NUP210: variants seen among roughly 807,000 people sequenced by gnomAD.
NUP210 encodes nucleoporin 210, also known as nuclear pore membrane glycoprotein 210.
A neutral mutation model predicts 196.0 loss-of-function variants in NUP210; 151 were observed. The observed-to-expected ratio is 0.77, with a 90% CI of 0.67 to 0.88. The LOEUF is 0.88. NUP210 is among the 40% of genes least tolerant of loss of function. The probability of loss-of-function intolerance (pLI) is 0.00; values close to 1 mark genes in which losing one functional copy is unlikely to be tolerated. For synonymous variants in NUP210, 1,070 were observed against 1,052.7 expected (o/e 1.02, Z -0.32); for missense variants, 2,314 against 2,493.7 (o/e 0.93, Z 1.53).
Position 13,348,061 on chromosome 3 carries a change from C to A in NUP210, c.2835+3818G>T, listed in dbSNP as rs73148074. Among the ~76,000 whole-genome samples the A allele has an allele frequency of 0.034, 5,124 of 152,340 alleles. 117 individuals are homozygous for A. The highest frequency in any genetic ancestry group is 0.075 in the Middle Eastern group (22 of 294). On this transcript the variant is annotated intron_variant, in intron 20 of 39. Transcript: ENST00000254508. This position sits in a 1 kb window ranked among gnomAD's most constrained non-coding sequence, Gnocchi z 4.0. ...TCCTGCCTGCAATGGGCACTCTGTGCCACTCAACCAGGCCAGCGGCCATTC... is the reference window on the plus strand; with the variant it reads ...TCCTGCCTGCAATGGGCACTCTGTGACACTCAACCAGGCCAGCGGCCATTC...
At chr3:13,410,495 G>A (rs1343918694) in intron 1 of NUP210, among the ~76,000 whole-genome samples, 1 of 147,826 alleles carries the variant, frequency 6.8e-6, no homozygotes, top group Admixed American at 6.8e-5. Flanking sequence ...ATTTTTAAAA[G>A]CACCACTGGG....
Position 13,335,739 on chromosome 3 carries a change from A to T in NUP210, c.3685-127T>A, listed in dbSNP as rs142429133. 5.8e-3 allele frequency: 6,244 copies of T among 1,071,064 alleles called. 28 individuals carry two copies. The highest frequency in any genetic ancestry group is 7.2e-3 in the Non-Finnish European group (5,379 of 743,624). The allele number at this position is 1,071,064 out of a possible 1,614,324, so 66.3% of individuals were successfully genotyped here. ...CCTGGTAGCTGCTGGCCTGTTCTCA[A>T]GGGCTCTGCCTTCCTGCCTGGGTTG... On this transcript the variant is annotated intron_variant, in intron 27 of 39. Transcript: ENST00000254508.
At chr3:13,343,336 T>TGTGGGGGGGGGGGGG in intron 20 of NUP210, 33 bp from the exon 21 acceptor site, 1 of 260,408 alleles carries the variant, frequency 3.8e-6, no homozygotes, top group East Asian at 9.5e-5. Context: ...GAGGGGTGGG[T>TGTGGGGGGGGGGGGG]GGTGGGTTAC....
At chr3:13,328,731 C>T (rs1422968528) in intron 31 of NUP210, 40 bp downstream of exon 31, 1 of 1,585,360 alleles carries the variant, frequency 6.3e-7, no homozygotes, top group Non-Finnish European at 8.7e-7. Flanking sequence ...AGGTACCAGA[C>T]AGGACTTCAT....
chr3:13,344,093 G>T (rs1559318814), intron 20 of NUP210, among the ~76,000 whole-genome samples: 1 of 152,170 alleles, frequency 6.6e-6, no homozygotes, highest in Non-Finnish European at 1.5e-5. Context: ...CTGTCCCCAA[G>T]GCTGGAGTGC....
chr3:13,404,201 A>G (rs1699929449), intron 1 of NUP210, among the ~76,000 whole-genome samples: 1 of 152,224 alleles, frequency 6.6e-6, no homozygotes, highest in South Asian at 2.1e-4. Flanking sequence ...CCTCATCTGT[A>G]AGGCAGGCCC....
chr3:13,394,252 G>T (rs1400510569), intron 3 of NUP210, among the ~76,000 whole-genome samples: 1 of 152,234 alleles, frequency 6.6e-6, no homozygotes, highest in Non-Finnish European at 1.5e-5. Context: ...AGGTGAGGAG[G>T]GGGCATCTTT....
At chr3:13,381,060 G>C (rs1379528977) in intron 6 of NUP210, among the ~76,000 whole-genome samples, 1 of 152,216 alleles carries the variant, frequency 6.6e-6, no homozygotes, top group Non-Finnish European at 1.5e-5. Context: ...CTAGAATTGA[G>C]AATCCCAAAG....
intron 20 of NUP210, among the ~76,000 whole-genome samples, chr3:13,343,506 G>C (rs537986508): frequency 6.6e-6 from 1 of 152,208 alleles, no homozygotes; most frequent in Non-Finnish European, 1.5e-5. Context: ...CCCACCTCTC[G>C]TCATGAGCCC....
chr3:13,360,918 A>C (rs1698348707), intron 14 of NUP210, among the ~76,000 whole-genome samples: 1 of 152,248 alleles, frequency 6.6e-6, no homozygotes, highest in Non-Finnish European at 1.5e-5. Context: ...TCTACAATCC[A>C]GCACAAGGGG....
At chr3:13,412,639 G>A (rs1274897314) in intron 1 of NUP210, among the ~76,000 whole-genome samples, 1 of 151,066 alleles carries the variant, frequency 6.6e-6, no homozygotes, top group East Asian at 2.0e-4. Flanking sequence ...GCTTGAACCT[G>A]GGCAGCAGAG....
chr3:13,330,989 G>T (rs560470905), intron 29 of NUP210, among the ~76,000 whole-genome samples: 5 of 152,280 alleles, frequency 3.3e-5, no homozygotes, highest in East Asian at 1.9e-4. Flanking sequence ...GCAGCAAATT[G>T]TTCTCAATTT....
intron 6 of NUP210, among the ~76,000 whole-genome samples, chr3:13,382,762 T>A (rs1045775111): frequency 1.3e-5 from 2 of 152,064 alleles, no homozygotes; most frequent in African/African-American, 4.8e-5. Flanking sequence ...GAAATTCAGG[T>A]CCCCTATGAA....
intron 16 of NUP210, among the ~76,000 whole-genome samples, chr3:13,355,640 GC>G (rs1401177831): frequency 2.0e-5 from 3 of 152,188 alleles, no homozygotes; most frequent in Non-Finnish European, 2.9e-5. Context: ...TAGCTCTCTT[GC>G]CCCAAGAGAA....
chr3:13,353,422 A>T lies in NUP210; in HGVS notation c.2628+132T>A, dbSNP rs899487973. On this transcript the variant is annotated intron_variant, in intron 18 of 39. Coordinates refer to ENST00000254508, the MANE Select transcript of NUP210 (RefSeq NM_024923.4). Reference sequence around the variant, plus strand: ...CAGTGCCTCTCCTGGGGCCTCCAAGAGGCTGGGGTGGGGGAGTGGTGGTCA... The same window carrying T: ...CAGTGCCTCTCCTGGGGCCTCCAAGTGGCTGGGGTGGGGGAGTGGTGGTCA... The T allele has an allele frequency of 8.3e-6, 6 of 722,314 alleles. No homozygotes were observed. In the African/African-American group the frequency reaches 1.0e-4, roughly 13 times the overall value. The allele number at this position is 722,314 out of a possible 1,614,324, so 44.7% of individuals were successfully genotyped here. A position where few individuals can be genotyped will look rare whatever the true frequency, so the allele number is the denominator to read the frequency against.
At chr3:13,408,907 C>A (rs1398813771) in intron 1 of NUP210, among the ~76,000 whole-genome samples, 1 of 152,138 alleles carries the variant, frequency 6.6e-6, no homozygotes, top group Non-Finnish European at 1.5e-5. Flanking sequence ...CCCAAAAGCT[C>A]CGTGCAGCAG....
At chr3:13,365,599 A>G (rs1314415108) in intron 14 of NUP210, among the ~76,000 whole-genome samples, 1 of 152,158 alleles carries the variant, frequency 6.6e-6, no homozygotes, top group Non-Finnish European at 1.5e-5. Flanking sequence ...TCTGGAGTGG[A>G]GCAGAAGCAC....
chr3:13,393,901 G>A (rs1390570350), intron 3 of NUP210, among the ~76,000 whole-genome samples: 2 of 152,196 alleles, frequency 1.3e-5, no homozygotes, highest in African/African-American at 2.4e-5. Flanking sequence ...ACAGCTGAAG[G>A]AAAATGTTAG....
chr3:13,333,812 T>C (rs1365067345), intron 28 of NUP210, among the ~76,000 whole-genome samples: 1 of 152,168 alleles, frequency 6.6e-6, no homozygotes, highest in Admixed American at 6.5e-5. Flanking sequence ...TTTTAAACCA[T>C]GCATTCCTAT....
Sources: gnomAD v4.1 joint callset for allele counts (sites outside exome capture counted in the v4.1 genomes callset) on GRCh38, gnomAD v4.1.1 for gene constraint, Gnocchi (gnomAD v3.1) non-coding constraint, MANE v1.5 for transcripts, NCBI Gene and HGNC (gene_info 2026-07-23, HGNC 2026-07-21) for gene names.